Variants in ANKRD28 observed in about 807,000 individuals in gnomAD.
ANKRD28 encodes the protein serine/threonine-protein phosphatase 6 regulatory ankyrin repeat subunit A.
In ANKRD28, 44 loss-of-function variants were observed where a neutral mutation model predicts 126.5. That is an observed-to-expected ratio of 0.35 (90% CI 0.27 to 0.45). The LOEUF is 0.45. Among genes scored for constraint, ANKRD28 ranks in the 20% least tolerant of loss-of-function variants. The pLI is 1.00. For synonymous variants in ANKRD28, 442 were observed against 468.5 expected (o/e 0.94, Z 0.73); for missense variants, 1,110 against 1,316.6 (o/e 0.84, Z 2.43).
At chr3:15,858,794 A>C (rs2061830053) in intron 1 of ANKRD28, among the ~76,000 whole-genome samples, 1 of 152,228 alleles carries the variant, frequency 6.6e-6, no homozygotes, top group Non-Finnish European at 1.5e-5. Flanking sequence ...AGTTCCAGAG[A>C]ATTACAAGTC....
intron 2 of ANKRD28, among the ~76,000 whole-genome samples, chr3:15,782,218 G>GT (rs1248441690): frequency 1.3e-5 from 2 of 152,174 alleles, no homozygotes; most frequent in African/African-American, 4.8e-5. Context: ...AGAACAGAGT[G>GT]TTCTGTTCCA....
chr3:15,670,267 C>G lies in ANKRD28; in HGVS notation c.*3G>C, dbSNP rs2066211119. 8.7e-6 allele frequency: 14 copies of G among 1,610,570 alleles called. No individual in the cohort carries two copies. Among genetic ancestry groups the G allele is most frequent in the Non-Finnish European group, 1.1e-5 (13 of 1,176,938 alleles). ...CTGTGAGAACTCCCTCCTCCTCAGC[C>G]TCTCAGTAGGTCTCAGAATCGGAGT... On this transcript the variant is annotated 3_prime_UTR_variant, in exon 28 of 28. Transcript: ENST00000683139.
chr3:15,682,678 C>G (rs2067666914), intron 21 of ANKRD28, among the ~76,000 whole-genome samples: 1 of 152,118 alleles, frequency 6.6e-6, no homozygotes, highest in Admixed American at 6.5e-5. Context: ...AGGTTGTTTT[C>G]TGTTCTGTTG....
chr3:15,819,354 A>G (rs78116963), intron 1 of ANKRD28, among the ~76,000 whole-genome samples: 107 of 152,298 alleles, frequency 7.0e-4, no homozygotes, highest in South Asian at 2.1e-3. Flanking sequence ...GCGACAGAAG[A>G]GTCCATAAAT....
At position 15,828,912 on chromosome 3, in the gene ANKRD28, C is replaced by T. The variant is rs529020541; in HGVS notation, c.27+30465G>A. Among the ~76,000 whole-genome samples the T allele has an allele frequency of 1.1e-4, 17 of 152,280 alleles. No homozygotes were observed. The South Asian group carries it at 3.1e-3, about 28-fold the overall frequency. Reference sequence around the variant, plus strand: ...AAAACATCTGCAGAAAGTACATTCACGTCTGAAATATATAGCCAGAACTTT... The same window carrying T: ...AAAACATCTGCAGAAAGTACATTCATGTCTGAAATATATAGCCAGAACTTT... On this transcript the variant is annotated intron_variant, in intron 1 of 27. Transcript: ENST00000399451.
chr3:15,715,301 T>C (rs2072872234), intron 8 of ANKRD28, among the ~76,000 whole-genome samples: 1 of 152,148 alleles, frequency 6.6e-6, no homozygotes, highest in Non-Finnish European at 1.5e-5. Flanking sequence ...GCAAAGGAAA[T>C]AAACTACTTA....
intron 3 of ANKRD28, among the ~76,000 whole-genome samples, chr3:15,760,965 AT>A: frequency 6.6e-6 from 1 of 152,342 alleles, no homozygotes; most frequent in Middle Eastern, 3.4e-3. Context: ...TTATTTCCTA[AT>A]TTTTAATCAC....
chr3:15,855,156 C>G (rs2061736948), intron 1 of ANKRD28, among the ~76,000 whole-genome samples: 1 of 152,220 alleles, frequency 6.6e-6, no homozygotes, highest in African/African-American at 2.4e-5. Flanking sequence ...CATTCTGTAT[C>G]CCCTATTGTA....
At chr3:15,708,435 T>C (rs1559378312) in intron 13 of ANKRD28, among the ~76,000 whole-genome samples, 1 of 151,840 alleles carries the variant, frequency 6.6e-6, no homozygotes, top group Non-Finnish European at 1.5e-5. Flanking sequence ...AGTACAGAGG[T>C]AGCAATTTCT....
intron 21 of ANKRD28, among the ~76,000 whole-genome samples, chr3:15,682,255 T>C (rs561057116): frequency 6.6e-6 from 1 of 152,322 alleles, no homozygotes; most frequent in East Asian, 1.9e-4. Context: ...AATCAGTAAG[T>C]ATTTAAAAAT....
intron 1 of ANKRD28, among the ~76,000 whole-genome samples, chr3:15,819,338 T>C (rs758703255): frequency 6.6e-6 from 1 of 152,160 alleles, no homozygotes; most frequent in South Asian, 2.1e-4. Flanking sequence ...ATAGATCCAA[T>C]GGAAGGCGAC....
At chr3:15,821,762 A>G (rs2060946053) in intron 1 of ANKRD28, among the ~76,000 whole-genome samples, 1 of 152,252 alleles carries the variant, frequency 6.6e-6, no homozygotes, top group Admixed American at 6.5e-5. Context: ...ATAGCAGCCC[A>G]CATCTGGTGC....
intron 1 of ANKRD28, among the ~76,000 whole-genome samples, chr3:15,858,107 T>C (rs1472421785): frequency 6.6e-6 from 1 of 152,226 alleles, no homozygotes; most frequent in African/African-American, 2.4e-5. Flanking sequence ...TCCTATCCAA[T>C]ACAATAGCCA....
chr3:15,775,014 C>A (rs374908402), intron 2 of ANKRD28, among the ~76,000 whole-genome samples: 3 of 152,294 alleles, frequency 2.0e-5, no homozygotes, highest in African/African-American at 7.2e-5. Flanking sequence ...GTAGCTGGGA[C>A]TACAGGTGCC....
At chr3:15,847,867 G>C (rs1161524650) in intron 1 of ANKRD28, among the ~76,000 whole-genome samples, 1 of 152,166 alleles carries the variant, frequency 6.6e-6, no homozygotes, top group Non-Finnish European at 1.5e-5. Context: ...CCGATTCCCT[G>C]CTTTGCCTCT....
rs376644404 is a variant in ANKRD28, at chr3:15,764,381, CATG to C, written c.280+1850_280+1852del. 2.6e-5 allele frequency among the ~76,000 whole-genome samples: 4 copies of C among 152,234 alleles called. No homozygotes were observed. The East Asian group carries it at 7.7e-4, about 29-fold the overall frequency. ...GCTGACATCTAGATACTATCATGCT[CATG>C]ATAAGACTCATTTGACCATCATACT... On this transcript the variant is annotated intron_variant, in intron 3 of 27. Coordinates refer to ENST00000683139, the MANE Select transcript of ANKRD28 (RefSeq NM_001349278.2).
At chr3:15,789,952 C>A (rs919083333) in intron 2 of ANKRD28, among the ~76,000 whole-genome samples, 1 of 151,936 alleles carries the variant, frequency 6.6e-6, no homozygotes, top group African/African-American at 2.4e-5. Context: ...ACAGAAATTA[C>A]GACTTACACA....
At chr3:15,716,954 T>G (rs967224147) in intron 8 of ANKRD28, among the ~76,000 whole-genome samples, 3 of 152,138 alleles carry the variant, frequency 2.0e-5, no homozygotes, top group Non-Finnish European at 2.9e-5. Flanking sequence ...AGAGTGAGAT[T>G]CTGTCTCCCC....
At chr3:15,688,238 A>G (rs1168701257) in intron 18 of ANKRD28, among the ~76,000 whole-genome samples, 1 of 152,212 alleles carries the variant, frequency 6.6e-6, no homozygotes. Context: ...CTATAGATTA[A>G]TATTTTTAAA....
Sources: allele counts gnomAD v4.1 joint callset (sites outside exome capture counted in the v4.1 genomes callset), GRCh38; gene constraint gnomAD v4.1.1; transcripts MANE v1.5; gene names NCBI Gene and HGNC (gene_info 2026-07-23, HGNC 2026-07-21).